SERGEF: variants seen among roughly 807,000 people sequenced by gnomAD.
SERGEF encodes secretion regulating guanine nucleotide exchange factor.
SERGEF carries 51 observed loss-of-function variants against 50.0 expected under a neutral mutation model. The observed-to-expected ratio is 1.02, with a 90% CI of 0.81 to 1.29. SERGEF has a LOEUF of 1.29. Ranked by LOEUF, SERGEF falls within the 50% of genes most tolerant of loss-of-function variation. The pLI, the probability that SERGEF is intolerant of heterozygous loss-of-function variation, is 0.00. For synonymous variants in SERGEF, 205 were observed against 212.4 expected (o/e 0.97, Z 0.30); for missense variants, 521 against 557.0 (o/e 0.94, Z 0.65).
chr11:17,902,886 C>T (rs1851772415), intron 9 of SERGEF, among the ~76,000 whole-genome samples: 1 of 152,226 alleles, frequency 6.6e-6, no homozygotes, highest in African/African-American at 2.4e-5. Flanking sequence ...AAGGAAATGA[C>T]TTCTAAGCTG....
At chr11:18,007,719 AGGGG>A (rs538657109) in intron 2 of SERGEF, among the ~76,000 whole-genome samples, 5 of 128,878 alleles carry the variant, frequency 3.9e-5, no homozygotes, top group South Asian at 2.5e-4. Context: ...TGTATAATGG[AGGGG>A]GTGGGGGAAA....
chr11:18,000,809 C>T (rs1286933733), intron 4 of SERGEF: 1 of 638,420 alleles, frequency 1.6e-6, no homozygotes, highest in Non-Finnish European at 2.9e-6. Flanking sequence ...CTTCTAAGGT[C>T]ATCTAGTCCA....
At chr11:18,008,208 CT>C in intron 1 of SERGEF, 132 bp from the exon 2 acceptor site, 1 of 918,592 alleles carries the variant, frequency 1.1e-6, no homozygotes, top group Middle Eastern at 3.4e-4. Context: ...TAGGCTCATT[CT>C]TTTTTAAAAA....
At chr11:17,928,814 T>C (rs1470538819) in intron 9 of SERGEF, among the ~76,000 whole-genome samples, 3 of 152,170 alleles carry the variant, frequency 2.0e-5, no homozygotes, top group Non-Finnish European at 4.4e-5. Flanking sequence ...CTTGGCATTT[T>C]TTTCTGGACC....
chr11:17,948,400 G>A (rs182767444), intron 9 of SERGEF, among the ~76,000 whole-genome samples: 32 of 152,316 alleles, frequency 2.1e-4, no homozygotes, highest in African/African-American at 6.5e-4. Flanking sequence ...AAGCCGCAGT[G>A]TAGTCTCTTG....
At chr11:17,839,075 T>G (rs185592208) in intron 10 of SERGEF, among the ~76,000 whole-genome samples, 15 of 152,316 alleles carry the variant, frequency 9.8e-5, no homozygotes, top group African/African-American at 3.6e-4. Context: ...AGAGCTTTAT[T>G]GTGTACACAG....
chr11:17,887,756 T>G (rs937365933), intron 9 of SERGEF, among the ~76,000 whole-genome samples: 2 of 152,212 alleles, frequency 1.3e-5, no homozygotes, highest in African/African-American at 2.4e-5. Flanking sequence ...TTCATAGCAG[T>G]TTTATTCATA....
chr11:17,893,734 G>A (rs944674023), intron 9 of SERGEF, among the ~76,000 whole-genome samples: 2 of 152,190 alleles, frequency 1.3e-5, no homozygotes, highest in Non-Finnish European at 2.9e-5. Flanking sequence ...GGGCAGGGAT[G>A]CATGGGTAGA....
chr11:17,919,587 A>G (rs1852115676), intron 9 of SERGEF, among the ~76,000 whole-genome samples: 2 of 152,216 alleles, frequency 1.3e-5, no homozygotes, highest in South Asian at 4.1e-4. Context: ...AGCAAGATGC[A>G]TTATAGATAT....
At chr11:17,910,191 ACACTCTCTCTCTCT>A (rs1040686416) in intron 9 of SERGEF, among the ~76,000 whole-genome samples, 10 of 132,760 alleles carry the variant, frequency 7.5e-5, no homozygotes, top group Non-Finnish European at 1.7e-4. Context: ...ACACACACAC[ACACTCTCTCTCTCT>A]CTCTCTCTTT....
intron 5 of SERGEF, among the ~76,000 whole-genome samples, chr11:17,997,026 G>A (rs1853850638): frequency 6.6e-6 from 1 of 152,124 alleles, no homozygotes; most frequent in Non-Finnish European, 1.5e-5. Context: ...GCAATATAGT[G>A]AGATCTCATT....
chr11:17,862,236 T>C (rs1850939321), intron 10 of SERGEF, among the ~76,000 whole-genome samples: 1 of 152,228 alleles, frequency 6.6e-6, no homozygotes, highest in African/African-American at 2.4e-5. Context: ...TCAAGGATCA[T>C]CTCTTCTAAG....
At chr11:17,867,806 G>T (rs1185121425) in intron 10 of SERGEF, among the ~76,000 whole-genome samples, 2 of 152,196 alleles carry the variant, frequency 1.3e-5, no homozygotes, top group African/African-American at 4.8e-5. Flanking sequence ...GCACTCGCAG[G>T]CTCGACACCA....
At position 17,923,547 on chromosome 11, in the gene SERGEF, G is replaced by A. The variant is rs1005149724; in HGVS notation, c.1011+35923C>T. ...CATGCACATTCCTCACACGCTTGCTGCAGATTATGTGAATGGGGCCTGGAC... is the reference window on the plus strand; with the variant it reads ...CATGCACATTCCTCACACGCTTGCTACAGATTATGTGAATGGGGCCTGGAC... On this transcript the variant is annotated intron_variant, in intron 9 of 10. Transcript: ENST00000265965. 3.9e-5 allele frequency among the ~76,000 whole-genome samples: 6 copies of A among 152,336 alleles called. No individual in the cohort carries two copies. The South Asian group carries it at 1.2e-3, about 32-fold the overall frequency.
At chr11:17,897,084 CA>C (rs888438795) in intron 9 of SERGEF, among the ~76,000 whole-genome samples, 4 of 152,080 alleles carry the variant, frequency 2.6e-5, no homozygotes, top group African/African-American at 9.7e-5. Context: ...TGGCTGATGG[CA>C]GAAGGAGAAA....
At chr11:17,823,327 C>T (rs1850116235) in intron 10 of SERGEF, among the ~76,000 whole-genome samples, 1 of 152,074 alleles carries the variant, frequency 6.6e-6, no homozygotes, top group South Asian at 2.1e-4. Flanking sequence ...TGATGTTAAC[C>T]TTGGTCACCT....
At chr11:17,909,023 A>G (rs1851902178) in intron 9 of SERGEF, among the ~76,000 whole-genome samples, 1 of 152,242 alleles carries the variant, frequency 6.6e-6, no homozygotes. Context: ...GCCTGGAATC[A>G]CAGAAAAAAC....
At chr11:17,830,603 A>G (rs1279202773) in intron 10 of SERGEF, among the ~76,000 whole-genome samples, 5 of 35,000 alleles carry the variant, frequency 1.4e-4, no homozygotes, top group African/African-American at 5.4e-4. Flanking sequence ...AGAGAGGTGG[A>G]GAGAGAGAGA....
chr11:17,823,456 C>G (rs1022738771), intron 10 of SERGEF, among the ~76,000 whole-genome samples: 6 of 152,094 alleles, frequency 3.9e-5, no homozygotes, highest in Non-Finnish European at 1.5e-5. Context: ...CCAGGAGGAA[C>G]AGTTTGGATG....
Sources: gnomAD v4.1 joint callset for allele counts (sites outside exome capture counted in the v4.1 genomes callset) on GRCh38, gnomAD v4.1.1 for gene constraint, MANE v1.5 for transcripts, NCBI Gene and HGNC (gene_info 2026-07-23, HGNC 2026-07-21) for gene names.